FBXO6: variants seen among roughly 807,000 people sequenced by gnomAD.
The protein encoded by FBXO6 is F-box only protein 6.
Under a neutral mutation model 25.0 loss-of-function variants are expected in FBXO6, and 13 were observed. The observed-to-expected ratio is 0.52, with a 90% CI of 0.34 to 0.83. The LOEUF (loss-of-function observed/expected upper bound fraction) is 0.83. FBXO6 is among the 40% of genes least tolerant of loss of function. The pLI is 0.02. For missense variants in FBXO6, 370 were observed against 380.2 expected (o/e 0.97, Z 0.22); for synonymous variants, 138 against 155.3 (o/e 0.89, Z 0.83).
At position 11,673,541 on chromosome 1, in the gene FBXO6, T is replaced by A. The variant is rs1640687730; in HGVS notation, c.646-74T>A. ...GCTGTTGCCTTCCAGCCTGGGCAGC[T>A]CTCTTAGAGGACCTGGCTCCTGCCT... On this transcript the variant is annotated intron_variant, in intron 5 of 5. Coordinates refer to ENST00000376753, the MANE Select transcript of FBXO6 (RefSeq NM_018438.6). This position sits in a 1 kb window ranked among gnomAD's most constrained non-coding sequence, Gnocchi z 4.3. The A allele has an allele frequency of 7.6e-6, 12 of 1,569,280 alleles. No individual in the cohort carries two copies. In the South Asian group the frequency reaches 1.3e-4, roughly 17 times the overall value.
At chr1:11,668,459 G>C (rs1027006009) in intron 1 of FBXO6, among the ~76,000 whole-genome samples, 197 bp from the exon 2 acceptor site, 2 of 150,952 alleles carry the variant, frequency 1.3e-5, no homozygotes, top group East Asian at 3.9e-4. Flanking sequence ...GTGCAGTGGC[G>C]CGATCATAGG....
At chr1:11,669,988 G>A (rs1344171321) in intron 2 of FBXO6, among the ~76,000 whole-genome samples, 3 of 146,000 alleles carry the variant, frequency 2.1e-5, no homozygotes, top group Admixed American at 6.7e-5. Context: ...TGAGGCGGGC[G>A]GATGACGAGG....
At position 11,673,876 on chromosome 1, in the gene FBXO6, C is replaced by G. The variant is rs895915626; in HGVS notation, c.*25C>G. The G allele has an allele frequency of 1.2e-6, 2 of 1,608,102 alleles. No homozygotes were observed. Among genetic ancestry groups the G allele is most frequent in the Admixed American group, 3.3e-5 (2 of 59,996 alleles). On this transcript the variant is annotated 3_prime_UTR_variant, in exon 6 of 6. Transcript: ENST00000376753. This position sits in a 1 kb window ranked among gnomAD's most constrained non-coding sequence, Gnocchi z 4.3. ...ACAGCTGTCCATCCTGTGTCTGGGT[C>G]AGCCAGAGGTTCCTCCAGGCAGGAG...
chr1:11,665,564 T>TTTTG, intron 1 of FBXO6, among the ~76,000 whole-genome samples: 1 of 89,770 alleles, frequency 1.1e-5, no homozygotes, highest in African/African-American at 6.2e-5. Flanking sequence ...CTTTTTTTTT[T>TTTTG]TTTTTTTTTT....
chr1:11,665,042 C>CATTG (rs111677821), intron 1 of FBXO6, among the ~76,000 whole-genome samples: 80,185 of 150,610 alleles, frequency 0.53, 21,706 homozygotes, highest in African/African-American at 0.63. Flanking sequence ...AAGCTGCCAG[C>CATTG]ATTTATTTAT....
intron 4 of FBXO6, among the ~76,000 whole-genome samples, chr1:11,672,601 A>G (rs1640650841): frequency 6.6e-6 from 1 of 152,212 alleles, no homozygotes; most frequent in Non-Finnish European, 1.5e-5. Flanking sequence ...CTGTGCACTG[A>G]CAGGCACTTG....
Position 11,673,852 on chromosome 1 carries a change from C to T in FBXO6, c.*1C>T. On this transcript the variant is annotated 3_prime_UTR_variant, in exon 6 of 6. Transcript: ENST00000376753. The surrounding 1 kb of genome is among the most constrained non-coding windows in gnomAD (Gnocchi z 4.3). ...CCGAGCTGTTGTCCAGATTTTCTGA[C>T]AGCTGTCCATCCTGTGTCTGGGTCA... 1.2e-6 allele frequency: 2 copies of T among 1,613,866 alleles called. No homozygotes were observed. Among genetic ancestry groups the T allele is most frequent in the Non-Finnish European group, 1.7e-6 (2 of 1,179,826 alleles).
chr1:11,671,241 T>G (rs756205725), intron 2 of FBXO6, 25 bp from the exon 3 acceptor site: 7 of 1,609,662 alleles, frequency 4.3e-6, no homozygotes, highest in Non-Finnish European at 5.1e-6. Context: ...ACAGGGGGTC[T>G]CACCTTGGCT....
chr1:11,668,894 ACTTCCTACGGAGC>A lies in FBXO6; in HGVS notation c.239_251del (p.Phe80CysfsTer66). 6.2e-7 allele frequency: 1 copy of A among 1,614,060 alleles called. No homozygotes were observed. The highest frequency in any genetic ancestry group is 8.5e-7 in the Non-Finnish European group (1 of 1,180,000). ...CCCGTGGCCGACTGGAAAATCTTCT[ACTTCCTACGGAGC>A]CTGCATAGGAACCTCCTGCGCAACC... On this transcript the variant is annotated frameshift_variant, in exon 2 of 6. Coordinates refer to ENST00000376753, the MANE Select transcript of FBXO6 (RefSeq NM_018438.6). LOFTEE classifies it high-confidence loss of function.
chr1:11,671,479 G>A (rs1640614391), intron 3 of FBXO6, 87 bp downstream of exon 3: 1 of 1,558,086 alleles, frequency 6.4e-7, no homozygotes, highest in Non-Finnish European at 8.7e-7. Flanking sequence ...GTCTTCCTAA[G>A]GGAAGTCCTC....
intron 1 of FBXO6, 180 bp downstream of exon 1, chr1:11,664,435 G>A (rs1006704271): frequency 1.3e-5 from 2 of 151,414 alleles, no homozygotes; most frequent in South Asian, 2.1e-4. Context: ...TCGCGTCCCC[G>A]GGGGGACGGG....
Position 11,673,361 on chromosome 1 carries a change from C to G in FBXO6, c.594C>G (p.Phe198Leu). 3 of 1,614,092 alleles carry G rather than the reference C, an allele frequency of 1.9e-6. No individual in the cohort carries two copies. The highest frequency in any genetic ancestry group is 2.5e-6 in the Non-Finnish European group (3 of 1,180,018). Residue 198 changes from phenylalanine (F) to leucine (L), a missense_variant, in exon 5 of 6, where the codon TTC becomes TTG. Phe to Leu is a conservative substitution (Grantham distance 22). Coordinates refer to ENST00000376753, the MANE Select transcript of FBXO6 (RefSeq NM_018438.6). This position sits in a 1 kb window ranked among gnomAD's most constrained non-coding sequence, Gnocchi z 4.3. ...CTGACTACTTCGTGTTGGCCTCCTTCGAGCCCCCACCTGTGACCATCCAAC... is the reference window on the plus strand; with the variant it reads ...CTGACTACTTCGTGTTGGCCTCCTTGGAGCCCCCACCTGTGACCATCCAAC... ...ASADYFVLASFEPPPVTIQQW... is the reference protein window; with the variant it reads ...ASADYFVLASLEPPPVTIQQW...
chr1:11,669,940 C>T (rs1239832773), intron 2 of FBXO6, among the ~76,000 whole-genome samples: 93 of 137,232 alleles, frequency 6.8e-4, no homozygotes, highest in African/African-American at 2.2e-3. Context: ...CCGCCGGGGG[C>T]GGTGGCTCAC....
chr1:11,671,852 G>A (rs1640624204), intron 3 of FBXO6, 76 bp from the exon 4 acceptor site: 3 of 1,326,710 alleles, frequency 2.3e-6, no homozygotes, highest in Admixed American at 1.8e-5. Flanking sequence ...GCTCACAGGG[G>A]CTGCCAAGGC....
chr1:11,673,487 AG>A lies in FBXO6; in HGVS notation c.645+78del, dbSNP rs1464905272. 1 of 1,588,180 alleles carries A rather than the reference AG, an allele frequency of 6.3e-7. No individual in the cohort carries two copies. Among genetic ancestry groups the A allele is most frequent in the African/African-American group, 1.3e-5 (1 of 74,586 alleles). ...ATGGCAGGAAGCAAAGGGCAGCCTCAGGGCCCAGGGTGCCCCTGCTGGCCTG... is the reference window on the plus strand; with the variant it reads ...ATGGCAGGAAGCAAAGGGCAGCCTCAGGCCCAGGGTGCCCCTGCTGGCCTG... On this transcript the variant is annotated intron_variant, in intron 5 of 5. Coordinates refer to ENST00000376753, the MANE Select transcript of FBXO6 (RefSeq NM_018438.6). The surrounding 1 kb of genome is among the most constrained non-coding windows in gnomAD (Gnocchi z 4.3).
intron 3 of FBXO6, 50 bp downstream of exon 3, chr1:11,671,442 G>A (rs1260161954): frequency 6.3e-7 from 1 of 1,590,296 alleles, no homozygotes. Context: ...CAGAGGGTCA[G>A]GACACCTTTG....
Position 11,665,400 on chromosome 1 carries a change from C to T in FBXO6, c.-4+1145C>T, listed in dbSNP as rs143610371. ...CTTCTCGAGTAGCTGGGACTACAGG[C>T]ACCTGCAACCAAGCCCGGCTAATTT... On this transcript the variant is annotated intron_variant, in intron 1 of 5. Coordinates refer to ENST00000376753, the MANE Select transcript of FBXO6 (RefSeq NM_018438.6). 5.0e-3 allele frequency among the ~76,000 whole-genome samples: 754 copies of T among 149,400 alleles called. 15 individuals carry two copies. The highest frequency in any genetic ancestry group is 0.018 in the African/African-American group (727 of 40,388).
At chr1:11,669,390 G>T (rs1186495160) in intron 2 of FBXO6, among the ~76,000 whole-genome samples, 2 of 152,048 alleles carry the variant, frequency 1.3e-5, no homozygotes, top group Non-Finnish European at 2.9e-5. Flanking sequence ...CTTGAACCTG[G>T]GAGGCAGAGG....
Position 11,673,642 on chromosome 1 carries a change from CG to C in FBXO6, c.677del (p.Gly226ValfsTer36). On this transcript the variant is annotated frameshift_variant, in exon 6 of 6. Coordinates refer to ENST00000376753, the MANE Select transcript of FBXO6 (RefSeq NM_018438.6). LOFTEE classifies it low-confidence loss of function (END_TRUNC). The surrounding 1 kb of genome is among the most constrained non-coding windows in gnomAD (Gnocchi z 4.3). ...CTCCTACACCTTCTCAGACTACCCC[CG>C]GGGTGTCCGCTACATCCTCTTCCAG... ...EVSYTFSDYP[R>X]GVRYILFQHG... 1 of 1,614,102 alleles carries C rather than the reference CG, an allele frequency of 6.2e-7. No individual in the cohort carries two copies.
Sources: allele counts gnomAD v4.1 joint callset (sites outside exome capture counted in the v4.1 genomes callset), GRCh38; gene constraint gnomAD v4.1.1; non-coding constraint Gnocchi (gnomAD v3.1); transcripts MANE v1.5; gene names NCBI Gene and HGNC (gene_info 2026-07-23, HGNC 2026-07-21).